VWF: variants seen among roughly 807,000 people sequenced by gnomAD.
The protein encoded by VWF is von Willebrand factor.
Under a neutral mutation model 308.6 loss-of-function variants are expected in VWF, and 176 were observed. The observed-to-expected ratio is 0.57, with a 90% confidence interval of 0.50 to 0.65. VWF has a LOEUF of 0.65. Ranked by LOEUF, VWF falls within the 30% of genes least tolerant of loss-of-function variation. The probability of loss-of-function intolerance (pLI) is 0.00; values close to 1 mark genes in which losing one functional copy is unlikely to be tolerated. For synonymous variants in VWF, 1,385 were observed against 1,443.4 expected, an observed-to-expected ratio of 0.96 and a Z score of 0.92; for missense variants, 3,146 against 3,648.2, an observed-to-expected ratio of 0.86 and a Z score of 3.55.
chr12:6,092,618 A>AGAGTGTGTGTGT (rs1301391895), intron 6 of VWF, among the ~76,000 whole-genome samples: 2 of 66,150 alleles, frequency 3.0e-5, no homozygotes, highest in East Asian at 4.7e-4. Flanking sequence ...AGTGAGTGAG[A>AGAGTGTGTGTGT]GTGTGTGTGT....
At chr12:6,042,470 C>A (rs1226372282) in intron 18 of VWF, among the ~76,000 whole-genome samples, 1 of 152,218 alleles carries the variant, frequency 6.6e-6, no homozygotes, top group Non-Finnish European at 1.5e-5. Flanking sequence ...CGGCACGCTG[C>A]GCACCCTTAA....
rs1287209530 is a variant in VWF, at chr12:6,053,232, C to T, written c.1946-449G>A. 5.3e-5 allele frequency among the ~76,000 whole-genome samples: 8 copies of T among 152,212 alleles called. No individual in the cohort carries two copies. In the South Asian group the frequency reaches 8.3e-4, roughly 16 times the overall value. ...CGGGCAAGGGCATACCCCGTGACAACAATGAGTACCATTTATGGAGCACCT... is the reference window on the plus strand; with the variant it reads ...CGGGCAAGGGCATACCCCGTGACAATAATGAGTACCATTTATGGAGCACCT... On this transcript the variant is annotated intron_variant, in intron 15 of 51. Transcript: ENST00000261405.
intron 6 of VWF, among the ~76,000 whole-genome samples, chr12:6,079,410 T>TC (rs1312217836): frequency 6.6e-6 from 1 of 151,692 alleles, no homozygotes; most frequent in Non-Finnish European, 1.5e-5. Context: ...ATCAAGACCA[T>TC]CCTGGCTAAC....
chr12:6,062,099 T>C (rs2109122), intron 13 of VWF, among the ~76,000 whole-genome samples: 23,544 of 152,222 alleles, frequency 0.15, 2,739 homozygotes, highest in African/African-American at 0.33. Context: ...AATTTAATTT[T>C]CAATCTGATA....
rs775029177 is a variant in VWF at position 5,983,222 on chromosome 12, C to G, written c.7009G>C (p.Val2337Leu). ...CDPVSCDLPP[V>L]PHCERGLQPT... ...TGGAGGCCACGTTCACAGTGAGGCA[C>G]TGGGGGCAGGTCACAGCTCACTGGG... The change falls in exon 41 of 52, where the codon GTG becomes CTG. Residue 2337 changes from valine (V) to leucine (L), a missense_variant. This residue lies in a region of VWF where 989 missense variants were observed against 1,117.4 expected (regional missense o/e 0.89). Coordinates refer to ENST00000261405, the MANE Select transcript of VWF (RefSeq NM_000552.5). 6.2e-7 allele frequency: 1 copy of G among 1,614,066 alleles called. No homozygotes were observed. Among genetic ancestry groups the G allele is most frequent in the Non-Finnish European group, 8.5e-7 (1 of 1,179,988 alleles).
At chr12:6,099,529 C>A (rs7136463) in intron 5 of VWF, among the ~76,000 whole-genome samples, 1 of 151,770 alleles carries the variant, frequency 6.6e-6, no homozygotes, top group Non-Finnish European at 1.5e-5. Context: ...AGTTCACAAT[C>A]GAAAATTATG....
intron 13 of VWF, among the ~76,000 whole-genome samples, chr12:6,059,482 A>G (rs180967435): frequency 4.5e-4 from 69 of 152,358 alleles, no homozygotes; most frequent in Admixed American, 2.4e-3. Context: ...CTTATAGACA[A>G]CTGATATTGA....
chr12:5,993,080 A>G (rs997966491), intron 37 of VWF, among the ~76,000 whole-genome samples: 1 of 152,162 alleles, frequency 6.6e-6, no homozygotes, highest in Non-Finnish European at 1.5e-5. Flanking sequence ...TAGGATGCCC[A>G]AGTCCTCCAG....
intron 38 of VWF, among the ~76,000 whole-genome samples, chr12:5,986,595 G>A (rs1362451606): frequency 6.6e-6 from 1 of 152,072 alleles, no homozygotes; most frequent in Non-Finnish European, 1.5e-5. Flanking sequence ...ATACCCACAA[G>A]TAAGGCCCCC....
intron 42 of VWF, among the ~76,000 whole-genome samples, chr12:5,978,463 C>A (rs1943556089): frequency 6.6e-6 from 1 of 152,144 alleles, no homozygotes; most frequent in African/African-American, 2.4e-5. Flanking sequence ...TGGGGTTTCA[C>A]CATGTTGGCC....
intron 42 of VWF, among the ~76,000 whole-genome samples, chr12:5,979,062 C>T (rs1943562901): frequency 6.6e-6 from 1 of 152,218 alleles, no homozygotes; most frequent in African/African-American, 2.4e-5. Context: ...AATCAACACA[C>T]ATCAAACACA....
intron 5 of VWF, among the ~76,000 whole-genome samples, chr12:6,103,371 T>TGTGTATACAC (rs1945190661): frequency 7.4e-6 from 1 of 134,440 alleles, no homozygotes; most frequent in Non-Finnish European, 1.6e-5. Context: ...TATATATGTG[T>TGTGTATACAC]GTGTGTGTAT....
At chr12:5,977,908 C>T (rs1943550348) in intron 42 of VWF, among the ~76,000 whole-genome samples, 1 of 147,860 alleles carries the variant, frequency 6.8e-6, no homozygotes, top group Non-Finnish European at 1.5e-5. Context: ...TATATATTCA[C>T]ATATATAAAT....
intron 3 of VWF, among the ~76,000 whole-genome samples, chr12:6,115,472 C>G (rs1945353042): frequency 1.3e-5 from 2 of 152,152 alleles, no homozygotes; most frequent in African/African-American, 4.8e-5. Context: ...AACTTTATGA[C>G]TCAGGACACA....
intron 47 of VWF, among the ~76,000 whole-genome samples, chr12:5,962,473 T>TAAGGATAGACAAAGGATCAGAAA (rs1943330093): frequency 2.7e-5 from 4 of 148,862 alleles, no homozygotes; most frequent in Non-Finnish European, 4.4e-5. Context: ...GGTGAGACCA[T>TAAGGATAGACAAAGGATCAGAAA]AAGGATAGAC....
In VWF at chr12:6,026,123, C is replaced by G. The variant is rs987143625; in HGVS notation, c.2968-77G>C. 3 of 1,606,852 alleles carry G rather than the reference C, an allele frequency of 1.9e-6. No homozygotes were observed. The African/African-American group carries it at 4.0e-5, about 21-fold the overall frequency. ...CCGGCTCAGGGGAAAGGGGAACATT[C>G]CTGGCGGCAATGGAGGCAGAGGGCA... On this transcript the variant is annotated intron_variant, in intron 22 of 51. Transcript: ENST00000261405.
chr12:5,963,523 C>T (rs997798680), intron 47 of VWF, among the ~76,000 whole-genome samples: 1 of 152,178 alleles, frequency 6.6e-6, no homozygotes, highest in African/African-American at 2.4e-5. Context: ...AACTGGAACT[C>T]CCATAGAATG....
intron 47 of VWF, among the ~76,000 whole-genome samples, chr12:5,965,185 C>T (rs965800922): frequency 1.3e-5 from 2 of 152,210 alleles, no homozygotes; most frequent in Non-Finnish European, 2.9e-5. Context: ...TCTTCCTCCT[C>T]CTGCTGAGCA....
chr12:5,998,384 G>A (rs1943830042), intron 34 of VWF, among the ~76,000 whole-genome samples: 1 of 145,784 alleles, frequency 6.9e-6, no homozygotes, highest in Non-Finnish European at 1.5e-5. Flanking sequence ...TGTAGTCCCA[G>A]CTACTCGGGA....
Sources: allele counts gnomAD v4.1 joint callset (sites outside exome capture counted in the v4.1 genomes callset), GRCh38; gene constraint gnomAD v4.1.1; regional missense constraint gnomAD v4.1.1; transcripts MANE v1.5; gene names NCBI Gene and HGNC (gene_info 2026-07-23, HGNC 2026-07-21).